PRSS23: variants seen among roughly 807,000 people sequenced by gnomAD.
PRSS23 encodes the protein protease, serine 23.
In PRSS23, 25 loss-of-function variants were observed where a neutral mutation model predicts 34.7. The ratio of observed to expected loss-of-function variants is 0.72; its 90% CI spans 0.53 to 1.01. The LOEUF (loss-of-function observed/expected upper bound fraction) is 1.01. PRSS23 is among the 50% of genes least tolerant of loss of function. PRSS23 has a pLI of 0.00. For synonymous variants in PRSS23, 176 were observed against 186.6 expected (o/e 0.94, Z 0.46); for missense variants, 445 against 475.6 (o/e 0.94, Z 0.60).
At chr11:86,861,505 A>G (rs944296461) in intron 2 of PRSS23, among the ~76,000 whole-genome samples, 4 of 151,834 alleles carry the variant, frequency 2.6e-5, no homozygotes, top group South Asian at 2.1e-4. Flanking sequence ...CAGAAGGTGT[A>G]CACGCCCTTG....
intron 2 of PRSS23, among the ~76,000 whole-genome samples, chr11:86,917,280 T>C (rs1387155886): frequency 6.6e-6 from 1 of 152,180 alleles, no homozygotes; most frequent in Admixed American, 6.5e-5. Flanking sequence ...GATTGTGCCA[T>C]TGCACTCCAG....
upstream of PRSS23, chr11:86,800,501 G>A (rs1565347562): frequency 2.7e-5 from 27 of 984,332 alleles, no homozygotes; most frequent in South Asian, 8.5e-4. Context: ...TGGCGCGGGG[G>A]GCGGACCCGC....
At chr11:86,928,693 A>ATATATATATAT (rs1192469987) in intron 2 of PRSS23, among the ~76,000 whole-genome samples, 1 of 30,978 alleles carries the variant, frequency 3.2e-5, no homozygotes, top group Non-Finnish European at 8.7e-5. Flanking sequence ...AAAAAAAAAA[A>ATATATATATAT]AAAAAAAAAA....
At chr11:86,800,541 C>T, upstream of PRSS23, 2 of 984,684 alleles carry the variant, frequency 2.0e-6, no homozygotes, top group African/African-American at 1.7e-5. Flanking sequence ...CCAGCTTGCT[C>T]GCACTCGGCT....
chr11:86,869,769 A>G (rs956191774), intron 2 of PRSS23, among the ~76,000 whole-genome samples: 7 of 152,194 alleles, frequency 4.6e-5, no homozygotes, highest in African/African-American at 1.7e-4. Flanking sequence ...TCTTCCAGAT[A>G]CTCACGCAGC....
intron 2 of PRSS23, among the ~76,000 whole-genome samples, chr11:86,939,939 T>C (rs1949196232): frequency 6.6e-6 from 1 of 152,168 alleles, no homozygotes. Flanking sequence ...CAATTCACAG[T>C]AGTTAGCAAA....
chr11:86,823,839 T>C (rs2134877153), intron 2 of PRSS23, among the ~76,000 whole-genome samples: 1 of 151,634 alleles, frequency 6.6e-6, no homozygotes, highest in South Asian at 2.1e-4. Context: ...ACCCCGTCTC[T>C]ACTAAAAATA....
chr11:86,859,013 C>T (rs1342381050), intron 2 of PRSS23, among the ~76,000 whole-genome samples: 3 of 151,598 alleles, frequency 2.0e-5, no homozygotes, highest in East Asian at 2.0e-4. Context: ...CTCCCAATAT[C>T]GCAGGGGTGT....
At chr11:86,868,311 A>G (rs1242593051) in intron 2 of PRSS23, among the ~76,000 whole-genome samples, 1 of 152,188 alleles carries the variant, frequency 6.6e-6, no homozygotes, top group Non-Finnish European at 1.5e-5. Flanking sequence ...ACTGTTCTTC[A>G]TCTCCTTCTG....
chr11:86,870,083 G>T (rs1261486432), intron 2 of PRSS23, among the ~76,000 whole-genome samples: 1 of 152,176 alleles, frequency 6.6e-6, no homozygotes, highest in Admixed American at 6.5e-5. Flanking sequence ...GCCTGGAAGA[G>T]AAAAGATTCA....
At position 86,891,754 on chromosome 11, in the gene PRSS23, T is replaced by C. The variant is rs185201652; in HGVS notation, c.207-59462T>C. Among the ~76,000 whole-genome samples the C allele has an allele frequency of 2.0e-5, 3 of 152,252 alleles. No individual in the cohort carries two copies. The East Asian group carries it at 5.8e-4, about 29-fold the overall frequency. On this transcript the variant is annotated intron_variant, in intron 2 of 2. Coordinates refer to the PRSS23 transcript ENST00000533902. ...GGACCAGGTGGAGGTAATTGAATCA[T>C]GGGGGCAGTTTCCCCCATGCTGTTC...
rs369718103 is a variant in PRSS23, at chr11:86,903,532, G to A, written c.207-47684G>A. ...GAGTCTCGCTCTGTTGCCCAGGCTC[G>A]AGTGCAGTGGTGTGATCTCGGCTCA... On this transcript the variant is annotated intron_variant, in intron 2 of 2. Transcript: ENST00000533902. Among the ~76,000 whole-genome samples the A allele has an allele frequency of 1.3e-4, 19 of 140,930 alleles. No individual in the cohort carries two copies. In the East Asian group the frequency reaches 2.2e-3, roughly 17 times the overall value. 92.5% of individuals were successfully genotyped at this position (140,930 alleles called of 152,430 possible).
chr11:86,876,291 C>G (rs1163516691), intron 2 of PRSS23, among the ~76,000 whole-genome samples: 1 of 152,166 alleles, frequency 6.6e-6, no homozygotes, highest in Non-Finnish European at 1.5e-5. Flanking sequence ...CAGTTCTTGT[C>G]ACCAGAAATA....
chr11:86,793,831 A>C (rs1187241082), intron 1 of PRSS23, among the ~76,000 whole-genome samples: 1 of 152,196 alleles, frequency 6.6e-6, no homozygotes. Flanking sequence ...AAAGGAAAAC[A>C]AGACAGATTT....
In PRSS23 at chr11:86,869,112, A is replaced by C. The variant is rs150222736; in HGVS notation, c.206+45519A>C. ...CCCTGCCAATTTTGGATAAGTTTTT[A>C]ATGACTCTGAAATTCATTTGGAGTG... On this transcript the variant is annotated intron_variant, in intron 2 of 2. Transcript: ENST00000533902. 7.6e-4 allele frequency among the ~76,000 whole-genome samples: 115 copies of C among 152,276 alleles called. 1 individual carries two copies. The highest frequency in any genetic ancestry group is 1.4e-3 in the Admixed American group (22 of 15,290).
At chr11:86,865,344 G>T (rs187670298) in intron 2 of PRSS23, among the ~76,000 whole-genome samples, 1 of 152,260 alleles carries the variant, frequency 6.6e-6, no homozygotes, top group East Asian at 1.9e-4. Flanking sequence ...TAATGACTAG[G>T]GTTATTATAT....
intron 1 of PRSS23, chr11:86,821,840 G>C (rs1948254766): frequency 4.0e-6 from 2 of 501,350 alleles, no homozygotes; most frequent in South Asian, 7.8e-5. Context: ...GGGCCTATTG[G>C]CTCGATTTAA....
intron 2 of PRSS23, among the ~76,000 whole-genome samples, chr11:86,928,536 G>A (rs910215002): frequency 6.8e-5 from 10 of 148,066 alleles, no homozygotes; most frequent in Admixed American, 2.0e-4. Flanking sequence ...TTAGCCGAGC[G>A]TGGTGGCAGA....
At chr11:86,923,414 T>C (rs1030665486) in intron 2 of PRSS23, among the ~76,000 whole-genome samples, 2 of 152,328 alleles carry the variant, frequency 1.3e-5, no homozygotes, top group Admixed American at 6.5e-5. Flanking sequence ...CCACCTTCTA[T>C]TTCTTTAATG....
Sources: gnomAD v4.1 joint callset for allele counts (sites outside exome capture counted in the v4.1 genomes callset) on GRCh38, gnomAD v4.1.1 for gene constraint, MANE v1.5 for transcripts, NCBI Gene and HGNC (gene_info 2026-07-23, HGNC 2026-07-21) for gene names.